FGF12: variants seen among roughly 807,000 people sequenced by gnomAD.
FGF12 encodes fibroblast growth factor 12B.
A neutral mutation model predicts 23.6 loss-of-function variants in FGF12; 14 were observed. The ratio of observed to expected loss-of-function variants is 0.59; its 90% CI spans 0.39 to 0.93. The LOEUF is 0.93. Among genes scored for constraint, FGF12 ranks in the 40% least tolerant of loss-of-function variants. FGF12 has a pLI of 0.00. For synonymous variants in FGF12, 62 were observed against 77.3 expected (o/e 0.80, Z 1.04); for missense variants, 175 against 217.8 (o/e 0.80, Z 1.24).
chr3:192,542,038 T>G (rs1367554489), intron 2 of FGF12, among the ~76,000 whole-genome samples: 1 of 151,650 alleles, frequency 6.6e-6, no homozygotes, highest in Non-Finnish European at 1.5e-5. Flanking sequence ...ATTTTTTTTT[T>G]TTTTTTGTAT....
Position 192,511,222 on chromosome 3 carries a change from TACACACACAC to T in FGF12, c.14-150694_14-150685del, listed in dbSNP as rs5855433. ...AGGCAAGCAAGGAAGCAATTGTGTG[TACACACACAC>T]ACACACACACACACACACACACCTG... On this transcript the variant is annotated intron_variant, in intron 2 of 5. Coordinates refer to ENST00000445105, the MANE Select transcript of FGF12 (RefSeq NM_004113.6). Among the ~76,000 whole-genome samples the T allele has an allele frequency of 7.6e-4, 113 of 149,640 alleles. 2 individuals carry two copies. Among genetic ancestry groups the T allele is most frequent in the South Asian group, 5.7e-3 (27 of 4,726 alleles).
rs1713473944 is a variant in FGF12 at position 192,142,831 on chromosome 3, A to G, written c.*1178T>C. On this transcript the variant is annotated 3_prime_UTR_variant, in exon 6 of 6. Transcript: ENST00000445105. The stretch of plus-strand genomic sequence containing the variant: ...CTTGTAACAGGATCATACATAGAGC[A>G]ACAAATTAGCTACTGGCTTTGTAAG... The G allele has an allele frequency of 6.6e-6, 1 of 152,130 alleles. No homozygotes were observed. The highest frequency in any genetic ancestry group is 1.5e-5 in the Non-Finnish European group (1 of 67,980). 9.4% of individuals were successfully genotyped at this position (152,130 alleles called of 1,614,324 possible).
At chr3:192,391,383 G>A (rs1049016356) in intron 2 of FGF12, among the ~76,000 whole-genome samples, 2 of 152,176 alleles carry the variant, frequency 1.3e-5, no homozygotes, top group Non-Finnish European at 2.9e-5. Context: ...AAAATCCTAA[G>A]AGTTTGGTTA....
In FGF12 at chr3:192,716,374, T is replaced by C. The variant is rs530863178; in HGVS notation, c.13+10807A>G. 4.6e-5 allele frequency among the ~76,000 whole-genome samples: 7 copies of C among 152,320 alleles called. 1 individual carries two copies. In the South Asian group the frequency reaches 1.0e-3, roughly 23 times the overall value. ...TTTCTTCTGAAGAAATTAGACTTCA[T>C]TGTAAGCCAGATAATGGGAAAAAAA... On this transcript the variant is annotated intron_variant, in intron 2 of 5. Transcript: ENST00000445105.
At chr3:192,219,286 T>A (rs1217404435) in intron 4 of FGF12, among the ~76,000 whole-genome samples, 1 of 152,098 alleles carries the variant, frequency 6.6e-6, no homozygotes, top group Non-Finnish European at 1.5e-5. Context: ...GTTTTCGCCA[T>A]GTTGGCCAGG....
chr3:192,685,304 G>T (rs1717692445), intron 2 of FGF12, among the ~76,000 whole-genome samples: 1 of 152,206 alleles, frequency 6.6e-6, no homozygotes, highest in Non-Finnish European at 1.5e-5. Context: ...GCCCGCCTCG[G>T]CCTCCCAAAG....
chr3:192,365,121 A>G (rs889177991), intron 2 of FGF12, among the ~76,000 whole-genome samples: 1 of 152,168 alleles, frequency 6.6e-6, no homozygotes, highest in Non-Finnish European at 1.5e-5. Context: ...TCACACAAAG[A>G]AGGGATAAAT....
At chr3:192,242,851 T>G (rs1337319436) in intron 4 of FGF12, among the ~76,000 whole-genome samples, 2 of 152,062 alleles carry the variant, frequency 1.3e-5, no homozygotes, top group Non-Finnish European at 2.9e-5. Context: ...CAGGTGCAAT[T>G]TAATTTTGCT....
intron 2 of FGF12, among the ~76,000 whole-genome samples, chr3:192,462,967 T>C (rs1722905810): frequency 6.6e-6 from 1 of 152,200 alleles, no homozygotes; most frequent in Admixed American, 6.5e-5. Context: ...TTTGTGGGGA[T>C]ATGAAACCAT....
chr3:192,523,490 A>G (rs9859132), intron 2 of FGF12, among the ~76,000 whole-genome samples: 15,312 of 152,198 alleles, frequency 0.1, 2,443 homozygotes, highest in African/African-American at 0.34. Flanking sequence ...TGATTCCCAC[A>G]TGCCCTTCTG....
At chr3:192,675,877 G>A (rs1717309326) in intron 2 of FGF12, among the ~76,000 whole-genome samples, 1 of 152,206 alleles carries the variant, frequency 6.6e-6, no homozygotes, top group African/African-American at 2.4e-5. Context: ...CTCACCATTT[G>A]CATTGGCTGT....
At chr3:192,650,740 C>G (rs898856801) in intron 2 of FGF12, among the ~76,000 whole-genome samples, 2 of 152,120 alleles carry the variant, frequency 1.3e-5, no homozygotes, top group African/African-American at 4.8e-5. Context: ...AGGAATGAAA[C>G]AGCATCTCTT....
chr3:192,687,120 T>C (rs868295528), intron 2 of FGF12, among the ~76,000 whole-genome samples: 6 of 149,996 alleles, frequency 4.0e-5, no homozygotes, highest in South Asian at 2.1e-4. Context: ...TGAGTCACCG[T>C]GCCCAGCCCT....
intron 2 of FGF12, among the ~76,000 whole-genome samples, chr3:192,698,764 CAGTT>C (rs1262314514): frequency 6.6e-6 from 1 of 152,092 alleles, no homozygotes; most frequent in Non-Finnish European, 1.5e-5. Flanking sequence ...AGATGTGAAA[CAGTT>C]AGATACTTGC....
chr3:192,601,182 G>A (rs1577073538), intron 2 of FGF12, among the ~76,000 whole-genome samples: 1 of 152,092 alleles, frequency 6.6e-6, no homozygotes, highest in Non-Finnish European at 1.5e-5. Context: ...TACATTAAAT[G>A]AAATAAGCCA....
At chr3:192,461,198 C>T (rs1722851857) in intron 2 of FGF12, among the ~76,000 whole-genome samples, 2 of 152,004 alleles carry the variant, frequency 1.3e-5, no homozygotes. Context: ...AACAAATATA[C>T]CTTGAATTAC....
At chr3:192,698,871 C>T (rs1718208840) in intron 2 of FGF12, among the ~76,000 whole-genome samples, 1 of 152,118 alleles carries the variant, frequency 6.6e-6, no homozygotes, top group South Asian at 2.1e-4. Flanking sequence ...GTGAGAAGAC[C>T]TTAGTTGTCA....
chr3:192,210,441 C>G (rs111227046), intron 4 of FGF12, among the ~76,000 whole-genome samples: 15 of 152,230 alleles, frequency 9.9e-5, no homozygotes, highest in African/African-American at 3.1e-4. Context: ...AGTTCATGTC[C>G]CCACAAAGGT....
intron 2 of FGF12, among the ~76,000 whole-genome samples, chr3:192,691,309 C>T (rs185552217): frequency 2.0e-5 from 3 of 151,982 alleles, no homozygotes; most frequent in Admixed American, 2.0e-4. Context: ...TGTGTAAATG[C>T]AAGAATATTG....
Sources: allele counts gnomAD v4.1 joint callset (sites outside exome capture counted in the v4.1 genomes callset), GRCh38; gene constraint gnomAD v4.1.1; transcripts MANE v1.5; gene names NCBI Gene and HGNC (gene_info 2026-07-23, HGNC 2026-07-21).